NEK1: variants seen among roughly 807,000 people sequenced by gnomAD.
NEK1 encodes serine/threonine-protein kinase Nek1.
In NEK1, 137 loss-of-function variants were observed where a neutral mutation model predicts 182.1. The ratio of observed to expected loss-of-function variants is 0.75; its 90% CI spans 0.65 to 0.87. NEK1 has a LOEUF of 0.87. Among genes scored for constraint, NEK1 ranks in the 40% least tolerant of loss-of-function variants. NEK1 has a pLI of 0.00. For synonymous variants in NEK1, 513 were observed against 492.2 expected (o/e 1.04, Z -0.56); for missense variants, 1,391 against 1,494.4 (o/e 0.93, Z 1.14).
At chr4:169,429,501 C>T (rs757238341) in intron 29 of NEK1, among the ~76,000 whole-genome samples, 5 of 152,178 alleles carry the variant, frequency 3.3e-5, no homozygotes, top group Non-Finnish European at 5.9e-5. Flanking sequence ...CAATCCCTCA[C>T]ATACATTTGA....
chr4:169,534,969 A>G (rs779158003), intron 19 of NEK1, among the ~76,000 whole-genome samples: 5 of 152,202 alleles, frequency 3.3e-5, no homozygotes, highest in Non-Finnish European at 4.4e-5. Flanking sequence ...AACAACATGA[A>G]GAAAAGTGGG....
chr4:169,532,483 A>G (rs1430279118), intron 19 of NEK1, among the ~76,000 whole-genome samples: 1 of 152,178 alleles, frequency 6.6e-6, no homozygotes, highest in Admixed American at 6.5e-5. Context: ...AGTGATAATG[A>G]TGTGTTAATG....
chr4:169,447,638 G>A (rs28866608), intron 27 of NEK1, among the ~76,000 whole-genome samples: 3,612 of 152,122 alleles, frequency 0.024, 110 homozygotes, highest in South Asian at 0.066. Context: ...AGGTGAAGGC[G>A]GGTGGATCAC....
At chr4:169,588,606 A>G in intron 8 of NEK1, 43 bp downstream of exon 8, 1 of 1,245,280 alleles carries the variant, frequency 8.0e-7, no homozygotes, top group Non-Finnish European at 1.1e-6. Context: ...CAACAAAAAA[A>G]TTGAAAGCAA....
intron 12 of NEK1, among the ~76,000 whole-genome samples, chr4:169,564,981 C>T (rs1397873603): frequency 2.0e-5 from 3 of 152,148 alleles, no homozygotes; most frequent in African/African-American, 2.4e-5. Flanking sequence ...AATGCATTTA[C>T]TCTCTGACAA....
chr4:169,575,806 C>T (rs1401696610), intron 12 of NEK1, among the ~76,000 whole-genome samples: 1 of 152,060 alleles, frequency 6.6e-6, no homozygotes, highest in African/African-American at 2.4e-5. Context: ...TCAGCCTTCG[C>T]GATGGGGTTA....
At chr4:169,447,306 C>A (rs1322170448) in intron 27 of NEK1, among the ~76,000 whole-genome samples, 3 of 151,974 alleles carry the variant, frequency 2.0e-5, no homozygotes, top group African/African-American at 7.3e-5. Flanking sequence ...AATAGTATAT[C>A]CAGAGAAAAT....
At chr4:169,492,523 C>A (rs1321698270) in intron 23 of NEK1, among the ~76,000 whole-genome samples, 1 of 152,150 alleles carries the variant, frequency 6.6e-6, no homozygotes, top group Non-Finnish European at 1.5e-5. Context: ...CCCTTGCAAG[C>A]CAGGGCAACA....
chr4:169,526,835 G>C (rs1756963895), intron 19 of NEK1, among the ~76,000 whole-genome samples: 3 of 152,180 alleles, frequency 2.0e-5, no homozygotes, highest in Admixed American at 2.0e-4. Flanking sequence ...AAAACAAAAA[G>C]TCTAACATTT....
intron 19 of NEK1, among the ~76,000 whole-genome samples, chr4:169,524,977 C>T (rs1282099520): frequency 6.6e-6 from 1 of 152,146 alleles, no homozygotes; most frequent in South Asian, 2.1e-4. Flanking sequence ...CTATCTGGCC[C>T]TTTACAGAAA....
At chr4:169,478,106 T>C (rs868187506) in intron 24 of NEK1, among the ~76,000 whole-genome samples, 4 of 151,900 alleles carry the variant, frequency 2.6e-5, no homozygotes, top group African/African-American at 7.3e-5. Flanking sequence ...ATCCAGACTA[T>C]CTAAAATTAA....
chr4:169,569,890 T>C (rs1452467534), intron 12 of NEK1, among the ~76,000 whole-genome samples: 1 of 152,178 alleles, frequency 6.6e-6, no homozygotes, highest in Non-Finnish European at 1.5e-5. Context: ...AGTGCCGAGA[T>C]TGTAGCCTCT....
In NEK1 at chr4:169,477,503, A is replaced by C; in HGVS notation, c.2140-6T>G. 1.3e-6 allele frequency: 2 copies of C among 1,593,940 alleles called. No homozygotes were observed. The highest frequency in any genetic ancestry group is 1.7e-6 in the Non-Finnish European group (2 of 1,165,708). On this transcript the variant is annotated splice_region_variant and splice_polypyrimidine_tract_variant and intron_variant, in intron 24 of 35. Coordinates refer to ENST00000507142, the MANE Select transcript of NEK1 (RefSeq NM_001199397.3). Reference sequence around the variant, plus strand: ...GTATCAGTTAAACTACTGTCCTTTAAATGCAGATAGATACAGAGGAAGAGA... The same window carrying C: ...GTATCAGTTAAACTACTGTCCTTTACATGCAGATAGATACAGAGGAAGAGA...
At chr4:169,554,243 C>T (rs1409750248) in intron 18 of NEK1, 1 of 152,178 alleles carries the variant, frequency 6.6e-6, no homozygotes, top group African/African-American at 2.4e-5. Context: ...CATAGCAAGA[C>T]TCCATTCTAC....
Position 169,400,666 on chromosome 4 carries a change from TA to T in NEK1, c.3584-16del. The T allele has an allele frequency of 6.5e-7, 1 of 1,540,516 alleles. No individual in the cohort carries two copies. Among genetic ancestry groups the T allele is most frequent in the East Asian group, 2.4e-5 (1 of 42,208 alleles). ...ATCACTGTTATCTAAAAAACAAAATTAAAATAGAGATTTGATTTAAAAAGAC... is the reference window on the plus strand; with the variant it reads ...ATCACTGTTATCTAAAAAACAAAATTAAATAGAGATTTGATTTAAAAAGAC... On this transcript the variant is annotated splice_polypyrimidine_tract_variant and intron_variant, in intron 33 of 35. Coordinates refer to ENST00000507142, the MANE Select transcript of NEK1 (RefSeq NM_001199397.3).
intron 11 of NEK1, among the ~76,000 whole-genome samples, chr4:169,577,716 T>A (rs950270175): frequency 1.3e-5 from 2 of 151,966 alleles, no homozygotes; most frequent in African/African-American, 4.8e-5. Context: ...ATTGCGCCAC[T>A]GCACTCCAGC....
intron 5 of NEK1, among the ~76,000 whole-genome samples, chr4:169,597,581 A>G (rs1440485844): frequency 6.6e-6 from 1 of 152,186 alleles, no homozygotes; most frequent in East Asian, 1.9e-4. Flanking sequence ...GGCAGCCATG[A>G]GCTGTGATGG....
chr4:169,577,318 T>TAA (rs34487354), intron 11 of NEK1, among the ~76,000 whole-genome samples: 6 of 146,964 alleles, frequency 4.1e-5, no homozygotes, highest in South Asian at 2.1e-4. Flanking sequence ...TTTTTAATAT[T>TAA]AAAAAAAAAA....
chr4:169,539,859 A>G (rs1759122671), intron 18 of NEK1, among the ~76,000 whole-genome samples: 1 of 152,094 alleles, frequency 6.6e-6, no homozygotes, highest in Admixed American at 6.6e-5. Context: ...TACGGAAGTA[A>G]AGCATGTTTG....
Sources: gnomAD v4.1 joint callset for allele counts (sites outside exome capture counted in the v4.1 genomes callset) on GRCh38, gnomAD v4.1.1 for gene constraint, MANE v1.5 for transcripts, NCBI Gene and HGNC (gene_info 2026-07-23, HGNC 2026-07-21) for gene names.